The following GRK5 variants were observed in gnomAD, a reference collection of about 807,000 sequenced individuals.
GRK5 encodes the protein G protein-coupled receptor kinase 5.
Under a neutral mutation model 78.4 loss-of-function variants are expected in GRK5, and 40 were observed. The ratio of observed to expected loss-of-function variants is 0.51; its 90% CI spans 0.40 to 0.66. GRK5 has a LOEUF of 0.66. Among genes scored for constraint, GRK5 ranks in the 30% least tolerant of loss-of-function variants. The probability of loss-of-function intolerance (pLI) is 0.00; values close to 1 mark genes in which losing one functional copy is unlikely to be tolerated. For missense variants in GRK5, 598 were observed against 759.9 expected (o/e 0.79, Z 2.50); for synonymous variants, 289 against 296.8 (o/e 0.97, Z 0.27).
chr10:119,332,618 G>C (rs1850800601), intron 2 of GRK5, among the ~76,000 whole-genome samples: 1 of 152,194 alleles, frequency 6.6e-6, no homozygotes, highest in African/African-American at 2.4e-5. Flanking sequence ...CTCCACCCCA[G>C]TCCATGGACT....
chr10:119,314,419 C>G (rs971346140), intron 1 of GRK5, among the ~76,000 whole-genome samples: 2 of 152,220 alleles, frequency 1.3e-5, no homozygotes, highest in African/African-American at 4.8e-5. Context: ...AAGAGCCAGT[C>G]CCCACCAAGT....
At chr10:119,345,630 G>T (rs1314215297) in intron 2 of GRK5, among the ~76,000 whole-genome samples, 2 of 152,006 alleles carry the variant, frequency 1.3e-5, no homozygotes, top group African/African-American at 4.8e-5. Context: ...TGACTTCTCT[G>T]AAGTCGTGAA....
chr10:119,242,121 G>T (rs1428596680), intron 1 of GRK5, among the ~76,000 whole-genome samples: 1 of 152,086 alleles, frequency 6.6e-6, no homozygotes, highest in Non-Finnish European at 1.5e-5. Context: ...GCAGAAGAAG[G>T]GCAGAGAGCT....
intron 2 of GRK5, among the ~76,000 whole-genome samples, chr10:119,331,402 G>A (rs886155477): frequency 8.5e-5 from 13 of 152,364 alleles, no homozygotes; most frequent in Admixed American, 4.6e-4. Context: ...TTTACAGTCC[G>A]TCGCTGAGGT....
At chr10:119,385,134 G>A (rs1023418720) in intron 3 of GRK5, among the ~76,000 whole-genome samples, 28 of 152,170 alleles carry the variant, frequency 1.8e-4, no homozygotes, top group African/African-American at 6.8e-4. Flanking sequence ...AGGGGCAGAG[G>A]GGGTAGGAGA....
At chr10:119,395,574 A>G (rs1852035033) in intron 3 of GRK5, among the ~76,000 whole-genome samples, 1 of 152,180 alleles carries the variant, frequency 6.6e-6, no homozygotes, top group African/African-American at 2.4e-5. Flanking sequence ...GGTTATAAAC[A>G]ATTTGCAATT....
rs1363985606 is a variant in GRK5, at chr10:119,238,690, C to T, written c.52+30721C>T. Among the ~76,000 whole-genome samples the T allele has an allele frequency of 6.6e-6, 1 of 152,072 alleles. No homozygotes were observed. Among genetic ancestry groups the T allele is most frequent in the Non-Finnish European group, 1.5e-5 (1 of 68,022 alleles). On this transcript the variant is annotated intron_variant, in intron 1 of 15. Coordinates refer to ENST00000392870, the MANE Select transcript of GRK5 (RefSeq NM_005308.3). This position sits in a 1 kb window ranked among gnomAD's most constrained non-coding sequence, Gnocchi z 4.7. ...CACTTTTACTTAAAAGTGAACTGCACGGGGGTTGACTCTTTCAAGGCCTGA... is the reference window on the plus strand; with the variant it reads ...CACTTTTACTTAAAAGTGAACTGCATGGGGGTTGACTCTTTCAAGGCCTGA...
chr10:119,418,250 C>A (rs1285131593), intron 4 of GRK5, among the ~76,000 whole-genome samples: 1 of 152,202 alleles, frequency 6.6e-6, no homozygotes, highest in Non-Finnish European at 1.5e-5. Context: ...AACCAGCTCA[C>A]AGAGCAGGCA....
At chr10:119,241,041 T>A (rs2133739997) in intron 1 of GRK5, among the ~76,000 whole-genome samples, 1 of 152,330 alleles carries the variant, frequency 6.6e-6, no homozygotes, top group Non-Finnish European at 1.5e-5. Flanking sequence ...CCACTTGTTC[T>A]CTCCTTAACC....
At position 119,394,388 on chromosome 10, in the gene GRK5, CTG is replaced by C. The variant is rs1389050345; in HGVS notation, c.262-2303_262-2302del. 1.4e-3 allele frequency among the ~76,000 whole-genome samples: 29 copies of C among 20,550 alleles called. 3 individuals are homozygous for C. Among genetic ancestry groups the C allele is most frequent in the Admixed American group, 3.0e-3 (7 of 2,318 alleles). 13.5% of individuals were successfully genotyped at this position (20,550 alleles called of 152,430 possible). On this transcript the variant is annotated intron_variant, in intron 3 of 15. Transcript: ENST00000392870. ...TGTGTGTGGGTGTCGGTGTGTGTAT[CTG>C]TGTCTGTGTGTGGGCATGTGTGTGG...
chr10:119,432,358 G>T (rs748544589), intron 8 of GRK5, among the ~76,000 whole-genome samples: 1 of 152,246 alleles, frequency 6.6e-6, no homozygotes, highest in Non-Finnish European at 1.5e-5. Flanking sequence ...TGAGGCAGGA[G>T]GATTGCTTGA....
chr10:119,361,195 A>G (rs1352574864), intron 2 of GRK5, among the ~76,000 whole-genome samples: 1 of 152,166 alleles, frequency 6.6e-6, no homozygotes, highest in Non-Finnish European at 1.5e-5. Flanking sequence ...TCTACAGTGG[A>G]ATGAAGGCAG....
At chr10:119,381,691 A>T (rs1362356366) in intron 3 of GRK5, among the ~76,000 whole-genome samples, 1 of 152,150 alleles carries the variant, frequency 6.6e-6, no homozygotes, top group Non-Finnish European at 1.5e-5. Context: ...AGGAAGGAGG[A>T]CAAGAGGGAA....
intron 12 of GRK5, among the ~76,000 whole-genome samples, chr10:119,446,143 C>G (rs1853144176): frequency 6.6e-6 from 1 of 152,146 alleles, no homozygotes; most frequent in Non-Finnish European, 1.5e-5. Context: ...GCCTGCCCCA[C>G]CCATCCCAGC....
chr10:119,300,520 G>A (rs908058302), intron 1 of GRK5, among the ~76,000 whole-genome samples: 2 of 152,164 alleles, frequency 1.3e-5, no homozygotes, highest in Non-Finnish European at 2.9e-5. Context: ...TGTGCCATTG[G>A]GAAAGGACAG....
chr10:119,237,664 C>T (rs1848954726), intron 1 of GRK5, among the ~76,000 whole-genome samples: 1 of 152,072 alleles, frequency 6.6e-6, no homozygotes, highest in Non-Finnish European at 1.5e-5. Flanking sequence ...GGCTTGAAGG[C>T]CTTTCAACTT....
intron 1 of GRK5, among the ~76,000 whole-genome samples, chr10:119,299,794 A>G (rs7905833): frequency 1.9e-4 from 23 of 124,262 alleles, no homozygotes; most frequent in African/African-American, 5.9e-4. Context: ...ATTTAAGCAG[A>G]TGTGTGTGTG....
chr10:119,448,245 T>A lies in GRK5; in HGVS notation c.1389T>A (p.Pro463=). 2 of 1,594,200 alleles carry A rather than the reference T, an allele frequency of 1.3e-6. No homozygotes were observed. Among genetic ancestry groups the A allele is most frequent in the Non-Finnish European group, 1.7e-6 (2 of 1,171,822 alleles). The change falls in exon 13 of 16, where the codon CCT becomes CCA. Residue 463 remains proline, a synonymous_variant. Coordinates refer to ENST00000392870, the MANE Select transcript of GRK5 (RefSeq NM_005308.3). The part of the protein sequence containing the change: ...FKRLEAGMLD[P]PFVPDPRAVY... ...GCTTAGAAGCCGGGATGTTGGACCC[T>A]CCCTTCGTTCCAGACGTGAGTAGCC...
chr10:119,345,190 G>A (rs1216991977), intron 2 of GRK5, among the ~76,000 whole-genome samples: 5 of 151,994 alleles, frequency 3.3e-5, no homozygotes, highest in African/African-American at 9.7e-5. Flanking sequence ...GGATGGTCTC[G>A]ATCTCCTGAC....
Sources: gnomAD v4.1 joint callset for allele counts (sites outside exome capture counted in the v4.1 genomes callset) on GRCh38, gnomAD v4.1.1 for gene constraint, Gnocchi (gnomAD v3.1) non-coding constraint, MANE v1.5 for transcripts, NCBI Gene and HGNC (gene_info 2026-07-23, HGNC 2026-07-21) for gene names.